Variants in TMEM63C observed in about 807,000 individuals in gnomAD.
TMEM63C encodes transmembrane protein 63C, also known as osmosensitive cation channel TMEM63C.
A neutral mutation model predicts 99.2 loss-of-function variants in TMEM63C; 32 were observed. The ratio of observed to expected loss-of-function variants is 0.32; its 90% CI spans 0.24 to 0.43. The LOEUF (loss-of-function observed/expected upper bound fraction) is 0.43. Among genes scored for constraint, TMEM63C ranks in the 20% least tolerant of loss-of-function variants. The pLI, the probability that TMEM63C is intolerant of heterozygous loss-of-function variation, is 1.00. For missense variants in TMEM63C, 826 were observed against 1,053.0 expected, an observed-to-expected ratio of 0.78 and a Z score of 2.98; for synonymous variants, 376 against 397.9, an observed-to-expected ratio of 0.94 and a Z score of 0.66.
rs1889231592 is a variant in TMEM63C at position 77,244,228 on chromosome 14, G to C, written c.1342-121G>C. The C allele has an allele frequency of 5.3e-6, 4 of 751,776 alleles. 1 individual carries two copies. The highest frequency in any genetic ancestry group is 9.2e-6 in the Non-Finnish European group (4 of 436,274). The allele number at this position is 751,776 out of a possible 1,614,324, so 46.6% of individuals were successfully genotyped here. A position where few individuals can be genotyped will look rare whatever the true frequency, so the allele number is the denominator to read the frequency against. On this transcript the variant is annotated intron_variant, in intron 15 of 23. Transcript: ENST00000298351. The stretch of plus-strand genomic sequence containing the variant: ...CCAGGAAAGCCAGTGAGAAGGGCCA[G>C]GCCCCTTGCAGCCTCCAGGAGAGCA...
At chr14:77,242,876 G>A (rs1233330140) in intron 14 of TMEM63C, 27 bp from the exon 15 acceptor site, 1 of 1,613,846 alleles carries the variant, frequency 6.2e-7, no homozygotes, top group South Asian at 1.1e-5. Context: ...GTCTCTAAAT[G>A]TGCCTCCTTC....
intron 13 of TMEM63C, among the ~76,000 whole-genome samples, chr14:77,240,932 TTTTTTTTTTTTTTTC>T (rs1221047304): frequency 4.7e-3 from 19 of 4,052 alleles, no homozygotes; most frequent in Non-Finnish European, 0.042. Context: ...TCCCTTTTTC[TTTTTTTTTTTTTTTC>T]TTTTTTTTTT....
At chr14:77,210,045 CT>C (rs2140102574) in intron 1 of TMEM63C, among the ~76,000 whole-genome samples, 1 of 152,276 alleles carries the variant, frequency 6.6e-6, no homozygotes, top group Non-Finnish European at 1.5e-5. Context: ...AGGTATCATC[CT>C]TTATCCCCAA....
chr14:77,248,979 G>A, intron 20 of TMEM63C, 107 bp downstream of exon 20: 1 of 1,144,132 alleles, frequency 8.7e-7, no homozygotes, highest in Non-Finnish European at 1.3e-6. Flanking sequence ...GAGACCTGTG[G>A]TAGGGAGGGG....
intron 1 of TMEM63C, among the ~76,000 whole-genome samples, chr14:77,201,463 C>T (rs1594851534): frequency 6.6e-6 from 1 of 152,198 alleles, no homozygotes; most frequent in South Asian, 2.1e-4. Flanking sequence ...CTGCCCACAC[C>T]AAAGTCTGGG....
rs771194868 is a variant in TMEM63C at position 77,257,477 on chromosome 14, A to C, written c.*751A>C. 1 of 152,226 alleles carries C rather than the reference A, an allele frequency of 6.6e-6. No homozygotes were observed. Among genetic ancestry groups the C allele is most frequent in the African/African-American group, 2.4e-5 (1 of 41,458 alleles). The allele number at this position is 152,226 out of a possible 1,614,324, so 9.4% of individuals were successfully genotyped here. ...ATGAGACTCGTGTGCATTTTTCAGA[A>C]GGAAACCTTGGTTAGTCCTTGCTGG... On this transcript the variant is annotated 3_prime_UTR_variant, in exon 24 of 24. Transcript: ENST00000298351.
chr14:77,185,930 C>T (rs1887986070), intron 1 of TMEM63C, among the ~76,000 whole-genome samples: 1 of 151,924 alleles, frequency 6.6e-6, no homozygotes, highest in African/African-American at 2.4e-5. Context: ...ACCAGGAGTC[C>T]CCTTCTTTCC....
intron 1 of TMEM63C, among the ~76,000 whole-genome samples, chr14:77,206,787 A>G (rs1033995864): frequency 6.6e-6 from 1 of 152,204 alleles, no homozygotes; most frequent in African/African-American, 2.4e-5. Flanking sequence ...TCTTTTTCTA[A>G]TTAGAAGCAA....
chr14:77,226,235 C>A (rs769473950), intron 6 of TMEM63C, among the ~76,000 whole-genome samples: 1 of 152,188 alleles, frequency 6.6e-6, no homozygotes, highest in Non-Finnish European at 1.5e-5. Context: ...TCCTTTAAAC[C>A]CCTCCACCCC....
chr14:77,248,900 G>C, intron 20 of TMEM63C, 28 bp downstream of exon 20: 1 of 1,576,132 alleles, frequency 6.3e-7, no homozygotes, highest in South Asian at 1.1e-5. Context: ...CATGCCCAAG[G>C]GCTGCACATC....
At chr14:77,205,097 A>G (rs1888372203) in intron 1 of TMEM63C, among the ~76,000 whole-genome samples, 1 of 152,180 alleles carries the variant, frequency 6.6e-6, no homozygotes, top group Non-Finnish European at 1.5e-5. Flanking sequence ...AGGTGGTGGG[A>G]CTGGCATATG....
Position 77,200,256 on chromosome 14 carries a change from T to A in TMEM63C, c.-76-13190T>A, listed in dbSNP as rs373065896. The stretch of plus-strand genomic sequence containing the variant: ...CCTGCCCTGGAGTTTGTGCTCTAGT[T>A]GAGGAGGCTCTGATGATCCCCAGAG... On this transcript the variant is annotated intron_variant, in intron 1 of 23. Coordinates refer to ENST00000298351, the MANE Select transcript of TMEM63C (RefSeq NM_020431.4). 5.9e-5 allele frequency among the ~76,000 whole-genome samples: 9 copies of A among 152,258 alleles called. No homozygotes were observed. The South Asian group carries it at 1.9e-3, about 32-fold the overall frequency.
At chr14:77,225,571 C>T (rs776093867) in intron 6 of TMEM63C, 110 bp downstream of exon 6, 445 of 1,096,836 alleles carry the variant, frequency 4.1e-4, no homozygotes, top group Middle Eastern at 1.2e-3. Context: ...GCCTGAGCTC[C>T]GTATCCTCCC....
intron 1 of TMEM63C, chr14:77,196,130 A>G (rs17105444): frequency 0.055 from 8,380 of 152,654 alleles, 299 homozygotes; most frequent in Non-Finnish European, 0.085. Context: ...TGGGCCACTC[A>G]GAAGGACCGT....
intron 4 of TMEM63C, 24 bp from the exon 5 acceptor site, chr14:77,219,982 C>A: frequency 6.4e-7 from 1 of 1,551,968 alleles, no homozygotes; most frequent in African/African-American, 1.4e-5. Context: ...TTTCTTACCT[C>A]CCTGCCCCTT....
chr14:77,200,927 CA>C (rs930764714), intron 1 of TMEM63C: 6 of 151,326 alleles, frequency 4.0e-5, no homozygotes, highest in African/African-American at 1.5e-4. Context: ...AGTCTTAGCA[CA>C]GCAGCTGGCA....
chr14:77,230,977 G>C (rs1473509287), intron 6 of TMEM63C, among the ~76,000 whole-genome samples: 1 of 152,142 alleles, frequency 6.6e-6, no homozygotes, highest in Non-Finnish European at 1.5e-5. Flanking sequence ...ATAAACCTAG[G>C]AGTGAATTGC....
At chr14:77,243,159 C>T in intron 15 of TMEM63C, 103 bp downstream of exon 15, 1 of 1,361,740 alleles carries the variant, frequency 7.3e-7, no homozygotes, top group Non-Finnish European at 1.0e-6. Context: ...GGCTGTGGAG[C>T]CCATACAGTG....
intron 5 of TMEM63C, among the ~76,000 whole-genome samples, chr14:77,220,521 G>C (rs1202557076): frequency 6.6e-6 from 1 of 152,000 alleles, no homozygotes; most frequent in African/African-American, 2.4e-5. Flanking sequence ...TTAGTGGAGC[G>C]CAGTCTGCTG....
Sources: allele counts gnomAD v4.1 joint callset (sites outside exome capture counted in the v4.1 genomes callset), GRCh38; gene constraint gnomAD v4.1.1; transcripts MANE v1.5; gene names NCBI Gene and HGNC (gene_info 2026-07-23, HGNC 2026-07-21).